The following DAB1 variants were observed in gnomAD, a reference collection of about 807,000 sequenced individuals.
The protein encoded by DAB1 is disabled homolog 1.
DAB1 carries 15 observed loss-of-function variants against 64.6 expected under a neutral mutation model. That is an observed-to-expected ratio of 0.23 (90% confidence interval 0.16 to 0.36). DAB1 has a LOEUF of 0.36. DAB1 is among the 10% of genes least tolerant of loss of function. DAB1 has a pLI of 1.00. For missense variants in DAB1, 596 were observed against 706.7 expected, an observed-to-expected ratio of 0.84 and a Z score of 1.78; for synonymous variants, 235 against 251.9, an observed-to-expected ratio of 0.93 and a Z score of 0.64.
At chr1:57,649,712 T>C (rs922120755) in intron 6 of DAB1, 3 of 152,240 alleles carry the variant, frequency 2.0e-5, no homozygotes, top group Non-Finnish European at 2.9e-5. Context: ...ATATTAATTA[T>C]TTAATGGTCT....
chr1:58,268,095 A>G (rs1661217395), intron 4 of DAB1, among the ~76,000 whole-genome samples: 1 of 151,958 alleles, frequency 6.6e-6, no homozygotes, highest in African/African-American at 2.4e-5. Context: ...CTTATGAGCT[A>G]TATGATTTAC....
chr1:57,071,461 T>G, intron 6 of DAB1, 61 bp downstream of exon 6: 1 of 1,571,576 alleles, frequency 6.4e-7, no homozygotes, highest in South Asian at 1.2e-5. Context: ...TGACTGTCAG[T>G]TTTTACATGT....
At chr1:57,440,030 C>A (rs1410290664) in intron 7 of DAB1, among the ~76,000 whole-genome samples, 2 of 152,122 alleles carry the variant, frequency 1.3e-5, no homozygotes, top group Non-Finnish European at 2.9e-5. Context: ...TTCTTCCTGA[C>A]TTCACCTTCT....
At chr1:57,947,393 A>G (rs1645199927) in intron 5 of DAB1, among the ~76,000 whole-genome samples, 1 of 152,132 alleles carries the variant, frequency 6.6e-6, no homozygotes, top group South Asian at 2.1e-4. Context: ...CGTGTACTTC[A>G]GGGTGTCTCA....
At chr1:58,539,952 G>C (rs1426496789) in intron 1 of DAB1, among the ~76,000 whole-genome samples, 1 of 152,166 alleles carries the variant, frequency 6.6e-6, no homozygotes, top group Non-Finnish European at 1.5e-5. Context: ...AATAACTCTA[G>C]AGTTCTGCAG....
chr1:57,003,022 T>C (rs969600728), intron 14 of DAB1, among the ~76,000 whole-genome samples: 1 of 152,264 alleles, frequency 6.6e-6, no homozygotes, highest in Non-Finnish European at 1.5e-5. Flanking sequence ...TTAGGCCTAA[T>C]AATCACCTGT....
In DAB1 at chr1:57,416,529, A is replaced by G. The variant is rs78876127; in HGVS notation, c.-137+7401T>C. Among the ~76,000 whole-genome samples the G allele has an allele frequency of 2.5e-4, 38 of 152,318 alleles. No individual in the cohort carries two copies. The East Asian group carries it at 7.3e-3, about 29-fold the overall frequency. On this transcript the variant is annotated intron_variant, in intron 1 of 14. Coordinates refer to ENST00000371236, the MANE Select transcript of DAB1 (RefSeq NM_001365792.1). ...GACTGTTTTAATAGGACAGATTTGG[A>G]TAAGTAGTTATTGTTAATGATTTTA... is the stretch of plus-strand genomic sequence containing the variant.
chr1:58,193,053 G>C (rs202153114), intron 4 of DAB1, among the ~76,000 whole-genome samples: 1 of 152,008 alleles, frequency 6.6e-6, no homozygotes, highest in African/African-American at 2.4e-5. Context: ...AATATGGCTT[G>C]TTTTCCCCAC....
intron 1 of DAB1, among the ~76,000 whole-genome samples, chr1:57,882,608 A>G (rs1644161559): frequency 6.6e-6 from 1 of 152,176 alleles, no homozygotes; most frequent in Non-Finnish European, 1.5e-5. Context: ...ACCCTCTACA[A>G]AATTGTCTAA....
At chr1:58,447,860 A>AC (rs1553183231) in intron 3 of DAB1, among the ~76,000 whole-genome samples, 75,399 of 151,134 alleles carry the variant, frequency 0.5, 19,123 homozygotes, top group Admixed American at 0.59. Flanking sequence ...ACTTAAACAA[A>AC]AAAAAAAAAA....
At chr1:58,425,998 A>G (rs1171984898) in intron 3 of DAB1, among the ~76,000 whole-genome samples, 1 of 152,168 alleles carries the variant, frequency 6.6e-6, no homozygotes, top group Non-Finnish European at 1.5e-5. Context: ...AAGGAATGGA[A>G]GAAGGGGAGA....
chr1:57,276,040 T>A (rs911502464), intron 2 of DAB1, among the ~76,000 whole-genome samples: 1 of 152,184 alleles, frequency 6.6e-6, no homozygotes, highest in South Asian at 2.1e-4. Context: ...AAAATGATAA[T>A]ATTGCAAAAA....
intron 4 of DAB1, among the ~76,000 whole-genome samples, chr1:58,310,333 G>A (rs543377594): frequency 9.9e-5 from 15 of 152,128 alleles, no homozygotes; most frequent in African/African-American, 3.6e-4. Context: ...AAGAGTATTC[G>A]GAATAAAGCT....
At chr1:57,360,081 T>C (rs1679426958) in intron 1 of DAB1, among the ~76,000 whole-genome samples, 1 of 151,840 alleles carries the variant, frequency 6.6e-6, no homozygotes, top group African/African-American at 2.4e-5. Flanking sequence ...AAATGCAGAG[T>C]TGATATTATG....
intron 4 of DAB1, among the ~76,000 whole-genome samples, chr1:58,266,066 GA>G (rs1416864812): frequency 1.9e-5 from 2 of 106,418 alleles, no homozygotes; most frequent in Non-Finnish European, 4.0e-5. Context: ...ACAGAGAAGA[GA>G]ATCCAGTACA....
At chr1:57,482,851 A>C (rs1361902993) in intron 7 of DAB1, among the ~76,000 whole-genome samples, 6 of 152,186 alleles carry the variant, frequency 3.9e-5, no homozygotes, top group African/African-American at 1.4e-4. Context: ...GAGGTTAATA[A>C]CTTGCTCACG....
At chr1:57,867,950 A>G (rs1654377567) in intron 1 of DAB1, among the ~76,000 whole-genome samples, 1 of 152,138 alleles carries the variant, frequency 6.6e-6, no homozygotes, top group African/African-American at 2.4e-5. Context: ...ATAACCATGA[A>G]AAGTGGACTT....
intron 6 of DAB1, among the ~76,000 whole-genome samples, chr1:57,707,380 A>G (rs953307959): frequency 2.1e-5 from 3 of 144,254 alleles, no homozygotes; most frequent in Non-Finnish European, 1.5e-5. Context: ...GCTGTGTAGT[A>G]TTTCATAGTA....
chr1:58,528,086 A>C (rs1646379860), intron 1 of DAB1, among the ~76,000 whole-genome samples: 1 of 152,240 alleles, frequency 6.6e-6, no homozygotes, highest in Non-Finnish European at 1.5e-5. Flanking sequence ...GAAATAATAT[A>C]ATAAATCTGA....
Sources: allele counts gnomAD v4.1 joint callset (sites outside exome capture counted in the v4.1 genomes callset), GRCh38; gene constraint gnomAD v4.1.1; transcripts MANE v1.5; gene names NCBI Gene and HGNC (gene_info 2026-07-23, HGNC 2026-07-21).